GRB10: variants seen among roughly 807,000 people sequenced by gnomAD.
GRB10 encodes the protein growth factor receptor-bound protein 10.
GRB10 carries 20 observed loss-of-function variants against 80.9 expected under a neutral mutation model. The observed-to-expected ratio is 0.25, with a 90% CI of 0.17 to 0.36. GRB10 has a LOEUF of 0.36. Ranked by LOEUF, GRB10 falls within the 10% of genes least tolerant of loss-of-function variation. The pLI, the probability that GRB10 is intolerant of heterozygous loss-of-function variation, is 1.00. For synonymous variants in GRB10, 291 were observed against 291.5 expected (o/e 1.00, Z 0.02); for missense variants, 548 against 747.7 (o/e 0.73, Z 3.12).
intron 5 of GRB10, among the ~76,000 whole-genome samples, chr7:50,677,689 C>T (rs1487533463): frequency 6.6e-6 from 1 of 152,158 alleles, no homozygotes; most frequent in African/African-American, 2.4e-5. Context: ...ACAATTAGCA[C>T]GAGCGCCACT....
intron 8 of GRB10, among the ~76,000 whole-genome samples, chr7:50,625,411 T>A (rs1484785469): frequency 6.6e-6 from 1 of 152,138 alleles, no homozygotes; most frequent in African/African-American, 2.4e-5. Flanking sequence ...TTTTCATACA[T>A]ATATATACAC....
rs1204320671 is a variant in GRB10, at chr7:50,591,022, G to C, written c.*1930C>G. The stretch of plus-strand genomic sequence containing the variant: ...TCCTAGAGTTGTTTTTCCTTGAAAA[G>C]GGTTTACCTCGAGCCAGTGAAGAGG... On this transcript the variant is annotated 3_prime_UTR_variant, in exon 19 of 19. Coordinates refer to ENST00000401949, the MANE Select transcript of GRB10 (RefSeq NM_001350814.2). 1 of 152,142 alleles carries C rather than the reference G, an allele frequency of 6.6e-6. No homozygotes were observed. The highest frequency in any genetic ancestry group is 1.5e-5 in the Non-Finnish European group (1 of 68,038). The allele number at this position is 152,142 out of a possible 1,614,324, so 9.4% of individuals were successfully genotyped here. A position where few individuals can be genotyped will look rare whatever the true frequency, so the allele number is the denominator to read the frequency against.
At chr7:50,627,040 T>C (rs564885926) in intron 7 of GRB10, 62 bp from the exon 8 acceptor site, 177 of 1,543,000 alleles carry the variant, frequency 1.1e-4, no homozygotes, top group Non-Finnish European at 1.5e-4. Flanking sequence ...AAATAAAAAC[T>C]GAAACAAAAG....
chr7:50,614,791 T>C lies in GRB10; in HGVS notation c.1074A>G (p.Thr358=), dbSNP rs757538495. 2.5e-5 allele frequency: 41 copies of C among 1,613,592 alleles called. No homozygotes were observed. The highest frequency in any genetic ancestry group is 3.1e-5 in the Non-Finnish European group (37 of 1,179,578). ...GTACCTTTATGCAGAGCCCGTGGTCTGTAGGGGCGTTGTACTGCTTCCTGC... is the reference window on the plus strand; with the variant it reads ...GTACCTTTATGCAGAGCCCGTGGTCCGTAGGGGCGTTGTACTGCTTCCTGC... ...IAGRKQYNAP[T]DHGLCIKPNK... Residue 358 remains threonine, a synonymous_variant, in exon 12 of 19, where the codon ACA becomes ACG. Coordinates refer to ENST00000401949, the MANE Select transcript of GRB10 (RefSeq NM_001350814.2).
chr7:50,663,373 C>T (rs3819432), intron 7 of GRB10, among the ~76,000 whole-genome samples: 46,525 of 152,098 alleles, frequency 0.31, 7,575 homozygotes, highest in Middle Eastern at 0.51. Context: ...TAGGAAATAG[C>T]CACAAGTGCC....
chr7:50,767,504 C>A (rs2076479610), intron 2 of GRB10, among the ~76,000 whole-genome samples: 1 of 152,200 alleles, frequency 6.6e-6, no homozygotes, highest in Non-Finnish European at 1.5e-5. Flanking sequence ...TTCAGGGATG[C>A]TCCACAGGAA....
chr7:50,658,562 G>A (rs2058887036), intron 7 of GRB10, among the ~76,000 whole-genome samples: 1 of 152,158 alleles, frequency 6.6e-6, no homozygotes. Flanking sequence ...CACAGACTTA[G>A]ATTTTTGGCA....
intron 7 of GRB10, among the ~76,000 whole-genome samples, chr7:50,646,240 A>G (rs1291688674): frequency 6.6e-6 from 1 of 152,218 alleles, no homozygotes; most frequent in Non-Finnish European, 1.5e-5. Flanking sequence ...GTGAGGTTAC[A>G]CAATGGAAAG....
At chr7:50,763,095 G>A (rs1306392036) in intron 2 of GRB10, among the ~76,000 whole-genome samples, 7 of 151,186 alleles carry the variant, frequency 4.6e-5, no homozygotes, top group Non-Finnish European at 8.8e-5. Flanking sequence ...TCCACTCTGG[G>A]CGACAGAGCA....
chr7:50,637,966 C>G (rs190270000), intron 7 of GRB10, among the ~76,000 whole-genome samples: 1 of 152,244 alleles, frequency 6.6e-6, no homozygotes, highest in African/African-American at 2.4e-5. Flanking sequence ...ACATGCTATT[C>G]AATAAATAGT....
intron 7 of GRB10, among the ~76,000 whole-genome samples, chr7:50,630,558 T>C (rs1452836259): frequency 6.6e-6 from 1 of 152,200 alleles, no homozygotes; most frequent in Non-Finnish European, 1.5e-5. Context: ...GGCAGGACCC[T>C]GAAAGCTGCT....
At chr7:50,721,919 C>T (rs1034610512) in intron 4 of GRB10, among the ~76,000 whole-genome samples, 1 of 152,192 alleles carries the variant, frequency 6.6e-6, no homozygotes, top group African/African-American at 2.4e-5. Flanking sequence ...GGGAAATGGC[C>T]CAGGCCAAGA....
intron 8 of GRB10, among the ~76,000 whole-genome samples, chr7:50,625,366 A>G (rs1434223653): frequency 1.3e-5 from 2 of 152,076 alleles, no homozygotes; most frequent in African/African-American, 2.4e-5. Flanking sequence ...GTCAAACTAT[A>G]CAGACTTGTT....
At chr7:50,778,937 A>G (rs1213160647) in intron 2 of GRB10, among the ~76,000 whole-genome samples, 4 of 152,242 alleles carry the variant, frequency 2.6e-5, no homozygotes, top group Non-Finnish European at 5.9e-5. Context: ...CATCATAAAC[A>G]AAAGAGAAAC....
intron 3 of GRB10, among the ~76,000 whole-genome samples, 182 bp downstream of exon 3, chr7:50,755,705 A>T (rs1419304376): frequency 5.3e-5 from 8 of 152,182 alleles, no homozygotes; most frequent in African/African-American, 1.9e-4. Context: ...AGCCGAGCCA[A>T]GGAGGAGAGG....
At chr7:50,727,607 G>T (rs1391568985) in intron 4 of GRB10, among the ~76,000 whole-genome samples, 1 of 152,136 alleles carries the variant, frequency 6.6e-6, no homozygotes. Context: ...CAATTTGCCA[G>T]ATCAATGAAA....
intron 3 of GRB10, among the ~76,000 whole-genome samples, chr7:50,734,237 G>A (rs56002804): frequency 6.6e-6 from 1 of 152,010 alleles, no homozygotes; most frequent in Admixed American, 6.6e-5. Flanking sequence ...TTCCACACCA[G>A]CAAACACACT....
intron 4 of GRB10, among the ~76,000 whole-genome samples, chr7:50,708,876 A>G (rs1420227497): frequency 6.6e-6 from 1 of 151,882 alleles, no homozygotes; most frequent in Non-Finnish European, 1.5e-5. Flanking sequence ...CGGTTTCACT[A>G]TGTTGGCCAG....
Position 50,590,809 on chromosome 7 carries a change from T to C in GRB10, c.*2143A>G, listed in dbSNP as rs546225539. ...CAACAATTCACTTCGGCAGGGAAAATACAAAAGACTACGTCAAACCAGCTA... is the reference window on the plus strand; with the variant it reads ...CAACAATTCACTTCGGCAGGGAAAACACAAAAGACTACGTCAAACCAGCTA... On this transcript the variant is annotated 3_prime_UTR_variant, in exon 19 of 19. Transcript: ENST00000401949. 2.0e-5 allele frequency: 3 copies of C among 152,362 alleles called. No homozygotes were observed. Among genetic ancestry groups the C allele is most frequent in the African/African-American group, 4.8e-5 (2 of 41,540 alleles). The allele number at this position is 152,362 out of a possible 1,614,324, so 9.4% of individuals were successfully genotyped here.
Sources: allele counts gnomAD v4.1 joint callset (sites outside exome capture counted in the v4.1 genomes callset), GRCh38; gene constraint gnomAD v4.1.1; transcripts MANE v1.5; gene names NCBI Gene and HGNC (gene_info 2026-07-23, HGNC 2026-07-21).